Variants in CSRNP3 observed in about 807,000 individuals in gnomAD.
CSRNP3 encodes cysteine/serine-rich nuclear protein 3.
In CSRNP3, 12 loss-of-function variants were observed where a neutral mutation model predicts 48.0. That is an observed-to-expected ratio of 0.25 (90% CI 0.16 to 0.41). The LOEUF (loss-of-function observed/expected upper bound fraction) is 0.41, where lower values mean the gene tolerates loss of function less well. CSRNP3 is among the 10% of genes least tolerant of loss of function. The pLI, the probability that CSRNP3 is intolerant of heterozygous loss-of-function variation, is 1.00. For synonymous variants in CSRNP3, 263 were observed against 269.7 expected (o/e 0.98, Z 0.24); for missense variants, 580 against 724.4 (o/e 0.80, Z 2.29).
chr2:165,491,904 A>T (rs1684215111), intron 1 of CSRNP3, among the ~76,000 whole-genome samples: 1 of 146,258 alleles, frequency 6.8e-6, no homozygotes, highest in South Asian at 2.3e-4. Flanking sequence ...TACATATGTA[A>T]CTAACCTGCA....
intron 3 of CSRNP3, among the ~76,000 whole-genome samples, chr2:165,577,452 GC>G (rs1180366420): frequency 6.6e-6 from 1 of 151,804 alleles, no homozygotes; most frequent in African/African-American, 2.4e-5. Flanking sequence ...TTTCCAAGTA[GC>G]TAAAGTTTAT....
intron 5 of CSRNP3, among the ~76,000 whole-genome samples, chr2:165,669,992 G>T (rs1687302509): frequency 6.6e-6 from 1 of 152,190 alleles, no homozygotes; most frequent in Non-Finnish European, 1.5e-5. Context: ...AAATGGCAAA[G>T]AAGAATTTCT....
intron 4 of CSRNP3, among the ~76,000 whole-genome samples, chr2:165,611,960 T>G (rs968717637): frequency 6.6e-6 from 1 of 152,132 alleles, no homozygotes; most frequent in Non-Finnish European, 1.5e-5. Flanking sequence ...TTACTTAAAG[T>G]CTTTATCGTA....
chr2:165,667,147 A>G lies in CSRNP3; in HGVS notation c.408+9127A>G, dbSNP rs532909669. Among the ~76,000 whole-genome samples the G allele has an allele frequency of 1.7e-3, 256 of 146,632 alleles. 2 individuals carry two copies. The highest frequency in any genetic ancestry group is 5.6e-3 in the African/African-American group (222 of 39,694). On this transcript the variant is annotated intron_variant, in intron 5 of 6. Coordinates refer to ENST00000651982, the MANE Select transcript of CSRNP3 (RefSeq NM_001172173.2). ...AGAAAGAAAGAAAGAGAGAGAGAAAAGGAAGGAAGGAAGGAAGGAAGGAGA... is the reference window on the plus strand; with the variant it reads ...AGAAAGAAAGAAAGAGAGAGAGAAAGGGAAGGAAGGAAGGAAGGAAGGAGA...
chr2:165,677,416 G>A (rs1687444845), intron 6 of CSRNP3, among the ~76,000 whole-genome samples: 1 of 150,926 alleles, frequency 6.6e-6, no homozygotes, highest in Non-Finnish European at 1.5e-5. Context: ...ATAATTTCCT[G>A]GTCCCCCTTC....
chr2:165,673,509 G>A (rs1388148333), intron 5 of CSRNP3, among the ~76,000 whole-genome samples: 1 of 152,048 alleles, frequency 6.6e-6, no homozygotes, highest in East Asian at 1.9e-4. Context: ...AATAAGAGAT[G>A]CAAATTTTAC....
rs1198081195 is a variant in CSRNP3 at position 165,584,879 on chromosome 2, A to G, written c.-23-10164A>G. 2.0e-5 allele frequency among the ~76,000 whole-genome samples: 3 copies of G among 152,186 alleles called. No homozygotes were observed. The South Asian group carries it at 6.2e-4, about 31-fold the overall frequency. Reference sequence around the variant, plus strand: ...CACGTAAAATATACTAACACTAAGGATAGATGATGAGCTAAAACAAAAAAC... The same window carrying G: ...CACGTAAAATATACTAACACTAAGGGTAGATGATGAGCTAAAACAAAAAAC... On this transcript the variant is annotated intron_variant, in intron 3 of 6. Coordinates refer to ENST00000651982, the MANE Select transcript of CSRNP3 (RefSeq NM_001172173.2).
intron 3 of CSRNP3, among the ~76,000 whole-genome samples, chr2:165,541,495 TG>T (rs1271847997): frequency 6.6e-6 from 1 of 152,030 alleles, no homozygotes; most frequent in Non-Finnish European, 1.5e-5. Context: ...TACCACATAA[TG>T]GGTGGTGCCT....
At chr2:165,669,321 A>T (rs1236908972) in intron 5 of CSRNP3, among the ~76,000 whole-genome samples, 3 of 152,122 alleles carry the variant, frequency 2.0e-5, no homozygotes, top group Non-Finnish European at 4.4e-5. Context: ...CTGGCATTTT[A>T]GTCAATCTAT....
chr2:165,479,617 G>A (rs1684012597), intron 1 of CSRNP3, among the ~76,000 whole-genome samples: 2 of 152,220 alleles, frequency 1.3e-5, no homozygotes, highest in South Asian at 4.2e-4. Flanking sequence ...TATTACTGTA[G>A]GTTAGAAGTC....
intron 4 of CSRNP3, among the ~76,000 whole-genome samples, chr2:165,600,550 A>G (rs1018189122): frequency 5.3e-5 from 8 of 152,210 alleles, no homozygotes; most frequent in African/African-American, 1.9e-4. Context: ...AGTCCCACCA[A>G]CAGTGTAAAA....
intron 4 of CSRNP3, among the ~76,000 whole-genome samples, chr2:165,620,586 T>G (rs1686322755): frequency 1.3e-5 from 2 of 152,282 alleles, no homozygotes; most frequent in South Asian, 4.1e-4. Context: ...CACAGATGTC[T>G]CTTTCATTTA....
intron 4 of CSRNP3, among the ~76,000 whole-genome samples, chr2:165,653,969 T>G (rs1434753387): frequency 3.5e-5 from 1 of 28,792 alleles, no homozygotes; most frequent in Non-Finnish European, 5.4e-5. Flanking sequence ...CGAAGCTCTA[T>G]CACAAAAAAA....
intron 4 of CSRNP3, among the ~76,000 whole-genome samples, chr2:165,602,583 G>T (rs1325400194): frequency 6.6e-6 from 1 of 152,174 alleles, no homozygotes; most frequent in Non-Finnish European, 1.5e-5. Flanking sequence ...CTGGAAAATA[G>T]TCACTTGGAT....
intron 4 of CSRNP3, among the ~76,000 whole-genome samples, chr2:165,621,386 A>G (rs569827704): frequency 6.8e-6 from 1 of 147,754 alleles, no homozygotes; most frequent in East Asian, 2.0e-4. Flanking sequence ...GTATTCTTCT[A>G]TTTGATATGC....
Position 165,613,477 on chromosome 2 carries a change from C to A in CSRNP3, c.148+18264C>A, listed in dbSNP as rs185762462. Among the ~76,000 whole-genome samples, 10 of 152,150 alleles carry A rather than the reference C, an allele frequency of 6.6e-5. No homozygotes were observed. The East Asian group carries it at 1.9e-3, about 29-fold the overall frequency. On this transcript the variant is annotated intron_variant, in intron 4 of 6. Coordinates refer to ENST00000651982, the MANE Select transcript of CSRNP3 (RefSeq NM_001172173.2). ...TTACCCATGAACTCTTTCCTTAGAC[C>A]AATGAGATGAAGAATTTCCCCTGTG...
chr2:165,631,957 G>A (rs959894080), intron 4 of CSRNP3, among the ~76,000 whole-genome samples: 20 of 152,316 alleles, frequency 1.3e-4, no homozygotes, highest in Admixed American at 9.2e-4. Context: ...ATGTGTGAAC[G>A]TGTTTCAAAG....
At chr2:165,537,544 GA>G (rs1684896931) in intron 3 of CSRNP3, among the ~76,000 whole-genome samples, 1 of 151,212 alleles carries the variant, frequency 6.6e-6, no homozygotes, top group Non-Finnish European at 1.5e-5. Context: ...AGTGTAAATG[GA>G]AAAATTATTA....
rs549884533 is a variant in CSRNP3 at position 165,587,845 on chromosome 2, G to A, written c.-23-7198G>A. ...TTCAACCAAATATGTTGTTAGGGGA[G>A]TTAGAGTGGTAAATGAGATGAATAG... is the stretch of plus-strand genomic sequence containing the variant. On this transcript the variant is annotated intron_variant, in intron 3 of 6. Coordinates refer to ENST00000651982, the MANE Select transcript of CSRNP3 (RefSeq NM_001172173.2). Among the ~76,000 whole-genome samples, 16 of 152,290 alleles carry A rather than the reference G, an allele frequency of 1.1e-4. No homozygotes were observed. The East Asian group carries it at 3.1e-3, about 29-fold the overall frequency.
Sources: gnomAD v4.1 joint callset for allele counts (sites outside exome capture counted in the v4.1 genomes callset) on GRCh38, gnomAD v4.1.1 for gene constraint, MANE v1.5 for transcripts, NCBI Gene and HGNC (gene_info 2026-07-23, HGNC 2026-07-21) for gene names.